GATAD2A: variants seen among roughly 807,000 people sequenced by gnomAD.
The protein encoded by GATAD2A is GATA zinc finger domain containing 2A.
A neutral mutation model predicts 68.5 loss-of-function variants in GATAD2A; 12 were observed. The observed-to-expected ratio is 0.18, with a 90% CI of 0.11 to 0.28. The LOEUF is 0.28. Ranked by LOEUF, GATAD2A falls within the 10% of genes least tolerant of loss-of-function variation. The probability of loss-of-function intolerance (pLI) is 1.00; values close to 1 mark genes in which losing one functional copy is unlikely to be tolerated. For missense variants in GATAD2A, 755 were observed against 868.5 expected, an observed-to-expected ratio of 0.87 and a Z score of 1.64; for synonymous variants, 410 against 375.3, an observed-to-expected ratio of 1.09 and a Z score of -1.07.
At chr19:19,454,728 G>GCCCCCCCCCCCCCCCCC (rs60087917) in intron 1 of GATAD2A, among the ~76,000 whole-genome samples, 1 of 121,616 alleles carries the variant, frequency 8.2e-6, no homozygotes, top group Non-Finnish European at 1.7e-5. Context: ...GAGCCACTGT[G>GCCCCCCCCCCCCCCCCC]CCCCCCCCCA....
At chr19:19,492,787 G>A in intron 4 of GATAD2A, 75 bp downstream of exon 4, 1 of 1,511,006 alleles carries the variant, frequency 6.6e-7, no homozygotes, top group East Asian at 2.3e-5. Context: ...ATCAATGTCA[G>A]CGGCCAGAAA....
Position 19,505,426 on chromosome 19 carries a change from G to A in GATAD2A, c.1857G>A (p.Leu619=). Reference sequence around the variant, plus strand: ...TGGACCGCCAGCGAGAGTACCTCCTGGACATGATCCCACCCCGCTCCATCC... The same window carrying A: ...TGGACCGCCAGCGAGAGTACCTCCTAGACATGATCCCACCCCGCTCCATCC... ...SAVDRQREYL[L]DMIPPRSIPQ... The change falls in exon 12 of 12, where the codon CTG becomes CTA. Residue 619 remains leucine, a synonymous_variant. Transcript: ENST00000683918. 1.9e-6 allele frequency: 3 copies of A among 1,612,366 alleles called. No individual in the cohort carries two copies. The highest frequency in any genetic ancestry group is 2.5e-6 in the Non-Finnish European group (3 of 1,179,334).
chr19:19,391,033 C>T (rs773007667), intron 1 of GATAD2A, among the ~76,000 whole-genome samples: 44 of 151,772 alleles, frequency 2.9e-4, no homozygotes, highest in Non-Finnish European at 6.0e-4. Flanking sequence ...GGGCAGGGGT[C>T]GGGGGGCAGT....
rs56071833 is a variant in GATAD2A at position 19,495,635 on chromosome 19, A to AAC, written c.625-118_625-117insCA. ...ATTTTCTTTAACTTCTCTGCTACTTAAAAAAAAAAAAAAAAAAAAACTAGT... is the reference window on the plus strand; with the variant it reads ...ATTTTCTTTAACTTCTCTGCTACTTAACAAAAAAAAAAAAAAAAAAAACTAGT... On this transcript the variant is annotated intron_variant, in intron 5 of 11. Transcript: ENST00000683918. 5.8e-5 allele frequency: 11 copies of AAC among 188,754 alleles called. No homozygotes were observed. The East Asian group carries it at 1.0e-3, about 17-fold the overall frequency. 11.7% of individuals were successfully genotyped at this position (188,754 alleles called of 1,614,324 possible). A position where few individuals can be genotyped will look rare whatever the true frequency, so the allele number is the denominator to read the frequency against.
intron 1 of GATAD2A, among the ~76,000 whole-genome samples, chr19:19,428,802 CAGT>C (rs1197653048): frequency 4.6e-5 from 7 of 152,244 alleles, no homozygotes; most frequent in South Asian, 2.1e-4. Context: ...TCTCAATTCT[CAGT>C]GGTGGCCTGA....
intron 1 of GATAD2A, among the ~76,000 whole-genome samples, chr19:19,422,584 T>C (rs1568270868): frequency 6.6e-6 from 1 of 152,218 alleles, no homozygotes. Context: ...GACAGTTCTG[T>C]GAAACACTCT....
At position 19,496,073 on chromosome 19, in the gene GATAD2A, C is replaced by A. The variant is rs1269973004; in HGVS notation, c.778C>A (p.His260Asn). Residue 260 changes from histidine to asparagine, a missense_variant, in exon 7 of 12, where the codon CAT becomes AAT. Physicochemically the swap from His to Asn is moderately conservative, Grantham distance 68 (BLOSUM62 1). Coordinates refer to ENST00000683918, the MANE Select transcript of GATAD2A (RefSeq NM_001384528.1). Reference sequence around the variant, plus strand: ...ACAGCAAATCCACAGCATTAGGCAACATTCCAGCACAGGGCCACCGCCCCT... The same window carrying A: ...ACAGCAAATCCACAGCATTAGGCAAAATTCCAGCACAGGGCCACCGCCCCT... ...GAQQIHSIRQ[H>N]SSTGPPPLLL... 1 of 1,613,902 alleles carries A rather than the reference C, an allele frequency of 6.2e-7. No homozygotes were observed. The highest frequency in any genetic ancestry group is 8.5e-7 in the Non-Finnish European group (1 of 1,179,910).
chr19:19,496,338 T>G (rs1264140316), intron 7 of GATAD2A, 119 bp downstream of exon 7: 4 of 940,058 alleles, frequency 4.3e-6, no homozygotes, highest in South Asian at 1.5e-5. Flanking sequence ...TGACCTGCCT[T>G]GCTCTTTCAG....
intron 1 of GATAD2A, among the ~76,000 whole-genome samples, chr19:19,416,381 C>T (rs9304961): frequency 0.035 from 5,366 of 152,172 alleles, 323 homozygotes; most frequent in African/African-American, 0.12. Context: ...TGGCAGGTTC[C>T]GGAAGGCCCC....
At chr19:19,445,606 C>A (rs2055613263) in intron 1 of GATAD2A, among the ~76,000 whole-genome samples, 1 of 152,206 alleles carries the variant, frequency 6.6e-6, no homozygotes. Flanking sequence ...CTCCCAGCAG[C>A]CACTTATTCT....
chr19:19,397,660 G>A (rs1285755050), intron 1 of GATAD2A, among the ~76,000 whole-genome samples: 1 of 152,196 alleles, frequency 6.6e-6, no homozygotes, highest in Admixed American at 6.5e-5. Context: ...ACAGACTTCA[G>A]GGCTGCTTCT....
chr19:19,403,322 A>C (rs1260440800), upstream of GATAD2A, among the ~76,000 whole-genome samples: 1 of 152,150 alleles, frequency 6.6e-6, no homozygotes, highest in Non-Finnish European at 1.5e-5. Context: ...TGGGACCCCA[A>C]GCAGATCTGG....
intron 1 of GATAD2A, among the ~76,000 whole-genome samples, chr19:19,421,601 G>A (rs2052426033): frequency 1.3e-5 from 2 of 152,104 alleles, no homozygotes; most frequent in African/African-American, 4.8e-5. Flanking sequence ...GTGTTTGTTT[G>A]CCTGCCTGCT....
intron 1 of GATAD2A, among the ~76,000 whole-genome samples, chr19:19,430,812 A>T (rs1437233116): frequency 6.6e-6 from 1 of 151,920 alleles, no homozygotes; most frequent in Non-Finnish European, 1.5e-5. Context: ...AATTAAAAGG[A>T]CCTCGCTAGC....
chr19:19,436,266 C>T (rs1568283054), intron 1 of GATAD2A: 1 of 1,041,242 alleles, frequency 9.6e-7, no homozygotes. Context: ...TTCCACGCAT[C>T]CAGCAGGCTT....
chr19:19,489,269 A>G (rs1462083106), intron 2 of GATAD2A, among the ~76,000 whole-genome samples: 4 of 152,248 alleles, frequency 2.6e-5, no homozygotes, highest in Admixed American at 6.5e-5. Flanking sequence ...CTGCAGCTCC[A>G]CAGCCCTGGG....
chr19:19,411,428 T>G (rs966666311), intron 1 of GATAD2A, among the ~76,000 whole-genome samples: 2 of 152,124 alleles, frequency 1.3e-5, no homozygotes, highest in Non-Finnish European at 2.9e-5. Flanking sequence ...ATGGGAGCCT[T>G]CCTTAGAGAA....
intron 1 of GATAD2A, among the ~76,000 whole-genome samples, chr19:19,446,262 A>G (rs571588835): frequency 6.6e-6 from 1 of 152,158 alleles, no homozygotes; most frequent in East Asian, 1.9e-4. Context: ...TTTGATTTGC[A>G]TTTCCCTCAT....
At chr19:19,441,785 C>CT (rs1485116534) in intron 1 of GATAD2A, 1 of 154,232 alleles carries the variant, frequency 6.5e-6, no homozygotes, top group Non-Finnish European at 1.4e-5. Flanking sequence ...AGGATGGTCT[C>CT]TATCTCCTGA....
Sources: allele counts gnomAD v4.1 joint callset (sites outside exome capture counted in the v4.1 genomes callset), GRCh38; gene constraint gnomAD v4.1.1; transcripts MANE v1.5; gene names NCBI Gene and HGNC (gene_info 2026-07-23, HGNC 2026-07-21).